RPS6KB1: variants seen among roughly 807,000 people sequenced by gnomAD.
RPS6KB1 encodes ribosomal protein S6 kinase beta-1.
RPS6KB1 carries 12 observed loss-of-function variants against 70.2 expected under a neutral mutation model. The observed-to-expected ratio is 0.17, with a 90% CI of 0.11 to 0.28. The LOEUF is 0.28. RPS6KB1 is among the 10% of genes least tolerant of loss of function. The pLI, the probability that RPS6KB1 is intolerant of heterozygous loss-of-function variation, is 1.00. For missense variants in RPS6KB1, 270 were observed against 646.6 expected, an observed-to-expected ratio of 0.42 and a Z score of 6.32; for synonymous variants, 175 against 211.2, an observed-to-expected ratio of 0.83 and a Z score of 1.49.
intron 1 of RPS6KB1, among the ~76,000 whole-genome samples, chr17:59,898,838 G>C (rs1394855712): frequency 1.3e-5 from 2 of 151,902 alleles, no homozygotes; most frequent in Non-Finnish European, 2.9e-5. Context: ...ACTGAATCTT[G>C]TCAATCCTAA....
At chr17:59,927,039 G>A (rs796700727) in intron 5 of RPS6KB1, among the ~76,000 whole-genome samples, 26 of 152,072 alleles carry the variant, frequency 1.7e-4, no homozygotes, top group African/African-American at 6.0e-4. Flanking sequence ...CTACCACCTC[G>A]TAGGAACTTG....
chr17:59,943,329 G>A (rs750571705), intron 13 of RPS6KB1, among the ~76,000 whole-genome samples: 17 of 152,030 alleles, frequency 1.1e-4, no homozygotes, highest in Non-Finnish European at 2.4e-4. Context: ...ATTTAACATA[G>A]AGACCTTTTC....
Position 59,943,897 on chromosome 17 carries a change from TATATATATACAC to T in RPS6KB1, c.1228-1499_1228-1488del, listed in dbSNP as rs1477689189. Among the ~76,000 whole-genome samples, 241 of 138,466 alleles carry T rather than the reference TATATATATACAC, an allele frequency of 1.7e-3. 3 individuals carry two copies. The highest frequency in any genetic ancestry group is 7.2e-3 in the Middle Eastern group (2 of 276). 90.8% of individuals were successfully genotyped at this position (138,466 alleles called of 152,430 possible). A position where few individuals can be genotyped will look rare whatever the true frequency, so the allele number is the denominator to read the frequency against. The stretch of plus-strand genomic sequence containing the variant: ...TCAAAAAAAAAAAAAAAATTATATA[TATATATATACAC>T]ATATATATATATACACACATACATA... On this transcript the variant is annotated intron_variant, in intron 13 of 14. Coordinates refer to ENST00000225577, the MANE Select transcript of RPS6KB1 (RefSeq NM_003161.4).
Position 59,935,173 on chromosome 17 carries a change from C to A in RPS6KB1, c.871-20C>A, listed in dbSNP as rs779669022. ...TTTTTCTCTCCCTGCTAATATTTTT[C>A]ACTTGTCTTCTACTCTTAGCCCCCA... On this transcript the variant is annotated intron_variant, in intron 9 of 14. Coordinates refer to ENST00000225577, the MANE Select transcript of RPS6KB1 (RefSeq NM_003161.4). 2.1e-5 allele frequency: 31 copies of A among 1,464,710 alleles called. 1 individual carries two copies. In the South Asian group the frequency reaches 3.6e-4, roughly 17 times the overall value. The allele number at this position is 1,464,710 out of a possible 1,614,324, so 90.7% of individuals were successfully genotyped here.
At chr17:59,910,782 C>CA (rs1307883937) in intron 2 of RPS6KB1, among the ~76,000 whole-genome samples, 171 bp downstream of exon 2, 1 of 152,036 alleles carries the variant, frequency 6.6e-6, no homozygotes, top group Admixed American at 6.6e-5. Context: ...TATAACCTAT[C>CA]AGAGTTTTGA....
chr17:59,918,736 T>A (rs2043106085), intron 4 of RPS6KB1, among the ~76,000 whole-genome samples: 1 of 152,156 alleles, frequency 6.6e-6, no homozygotes, highest in African/African-American at 2.4e-5. Flanking sequence ...TTTTTGACTT[T>A]CTGTTTTCTT....
chr17:59,910,648 T>G, intron 2 of RPS6KB1, 37 bp downstream of exon 2: 1 of 1,354,582 alleles, frequency 7.4e-7, no homozygotes, highest in Non-Finnish European at 1.0e-6. Flanking sequence ...TGTGTTGTCT[T>G]TCTTACAAGT....
chr17:59,918,351 G>GTTTTA (rs142101992), intron 4 of RPS6KB1, among the ~76,000 whole-genome samples: 83,836 of 150,854 alleles, frequency 0.56, 25,259 homozygotes, highest in African/African-American at 0.81. Context: ...CCCTCTGAGA[G>GTTTTA]TTTTATTTTT....
chr17:59,896,286 C>T (rs1187675685), intron 1 of RPS6KB1, among the ~76,000 whole-genome samples: 2 of 151,660 alleles, frequency 1.3e-5, no homozygotes, highest in Admixed American at 6.6e-5. Flanking sequence ...CTCCACTTCC[C>T]GGGTTCAAGC....
At chr17:59,915,775 CTTTTTTT>C (rs71370143) in intron 4 of RPS6KB1, among the ~76,000 whole-genome samples, 1 of 77,922 alleles carries the variant, frequency 1.3e-5, no homozygotes, top group Non-Finnish European at 2.3e-5. Context: ...CTACTGCTAT[CTTTTTTT>C]TTTTTTTTTT....
At chr17:59,912,987 C>A (rs1041494713) in intron 3 of RPS6KB1, among the ~76,000 whole-genome samples, 183 bp downstream of exon 3, 2 of 152,152 alleles carry the variant, frequency 1.3e-5, no homozygotes, top group Non-Finnish European at 2.9e-5. Context: ...CATACCACCA[C>A]ACATGTAAAA....
chr17:59,949,746 G>C lies in RPS6KB1; in HGVS notation c.*2958G>C, dbSNP rs1270486098. On this transcript the variant is annotated 3_prime_UTR_variant, in exon 15 of 15. Transcript: ENST00000225577. ...TTTTTTAAGATAGAAGATAATTTGT[G>C]GGCAGGGGTGGAGGATGCATGTATG... The C allele has an allele frequency of 6.6e-6, 1 of 152,292 alleles. No individual in the cohort carries two copies. The highest frequency in any genetic ancestry group is 1.5e-5 in the Non-Finnish European group (1 of 67,880). The allele number at this position is 152,292 out of a possible 1,614,324, so 9.4% of individuals were successfully genotyped here. A position where few individuals can be genotyped will look rare whatever the true frequency, so the allele number is the denominator to read the frequency against.
chr17:59,893,394 G>A lies in RPS6KB1; in HGVS notation c.141+69G>A, dbSNP rs917937906. ...GCGGCGGCGCGGGCTCAGGAAGCGC[G>A]GTGTGTCCTAGAGCGTGGAGACCCA... On this transcript the variant is annotated intron_variant, in intron 1 of 14. Coordinates refer to ENST00000225577, the MANE Select transcript of RPS6KB1 (RefSeq NM_003161.4). The surrounding 1 kb of genome is among the most constrained non-coding windows in gnomAD (Gnocchi z 4.1). 1 of 1,493,358 alleles carries A rather than the reference G, an allele frequency of 6.7e-7. No homozygotes were observed. Among genetic ancestry groups the A allele is most frequent in the Non-Finnish European group, 9.1e-7 (1 of 1,096,630 alleles). The allele number at this position is 1,493,358 out of a possible 1,614,324, so 92.5% of individuals were successfully genotyped here.
At position 59,947,781 on chromosome 17, in the gene RPS6KB1, A is replaced by C. The variant is rs923811296; in HGVS notation, c.*993A>C. On this transcript the variant is annotated 3_prime_UTR_variant, in exon 15 of 15. Transcript: ENST00000225577. ...ACAACAGAAGAGAGTCAGGATAAAA[A>C]ATACATACTGTGGTCGGCAAGGTGA... The C allele has an allele frequency of 5.5e-6, 3 of 547,954 alleles. No individual in the cohort carries two copies. The highest frequency in any genetic ancestry group is 1.9e-5 in the African/African-American group (1 of 51,464). The allele number at this position is 547,954 out of a possible 1,614,324, so 33.9% of individuals were successfully genotyped here.
In RPS6KB1 at chr17:59,902,755, G is replaced by A. The variant is rs1342452725; in HGVS notation, c.142-7807G>A. 2.6e-5 allele frequency among the ~76,000 whole-genome samples: 4 copies of A among 151,692 alleles called. No individual in the cohort carries two copies. The East Asian group carries it at 7.8e-4, about 30-fold the overall frequency. On this transcript the variant is annotated intron_variant, in intron 1 of 14. Coordinates refer to ENST00000225577, the MANE Select transcript of RPS6KB1 (RefSeq NM_003161.4). Reference sequence around the variant, plus strand: ...CCATTCCCAGCTAATTTTTTGATTTGTTGCAGAGATGGGGGTCTCGTGATT... The same window carrying A: ...CCATTCCCAGCTAATTTTTTGATTTATTGCAGAGATGGGGGTCTCGTGATT...
intron 1 of RPS6KB1, among the ~76,000 whole-genome samples, chr17:59,901,233 T>C (rs1248511404): frequency 6.6e-6 from 1 of 150,428 alleles, no homozygotes; most frequent in Non-Finnish European, 1.5e-5. Context: ...CACTGCAAGC[T>C]CCGCCTCCCA....
chr17:59,941,627 A>G (rs999671772), intron 13 of RPS6KB1, among the ~76,000 whole-genome samples: 2 of 149,548 alleles, frequency 1.3e-5, no homozygotes, highest in African/African-American at 4.9e-5. Context: ...TCTTAACATA[A>G]GTAGGGGATT....
At chr17:59,900,228 A>AC (rs1439942437) in intron 1 of RPS6KB1, among the ~76,000 whole-genome samples, 2 of 140,118 alleles carry the variant, frequency 1.4e-5, no homozygotes, top group South Asian at 4.7e-4. Flanking sequence ...ACACACACAC[A>AC]CACCCCTATG....
intron 10 of RPS6KB1, 41 bp from the exon 11 acceptor site, chr17:59,936,174 T>C (rs1158325895): frequency 6.4e-7 from 1 of 1,564,436 alleles, no homozygotes; most frequent in South Asian, 1.2e-5. Context: ...AAAATCAGTT[T>C]GACTAAGGTT....
Sources: gnomAD v4.1 joint callset for allele counts (sites outside exome capture counted in the v4.1 genomes callset) on GRCh38, gnomAD v4.1.1 for gene constraint, Gnocchi (gnomAD v3.1) non-coding constraint, MANE v1.5 for transcripts, NCBI Gene and HGNC (gene_info 2026-07-23, HGNC 2026-07-21) for gene names.